Variants in RPTOR observed in about 807,000 individuals in gnomAD.
The protein encoded by RPTOR is regulatory-associated protein of mTOR.
A neutral mutation model predicts 169.9 loss-of-function variants in RPTOR; 21 were observed. The ratio of observed to expected loss-of-function variants is 0.12; its 90% CI spans 0.09 to 0.18. RPTOR has a LOEUF of 0.18. Ranked by LOEUF, RPTOR falls within the 10% of genes least tolerant of loss-of-function variation. The pLI is 1.00. For synonymous variants in RPTOR, 732 were observed against 753.2 expected (o/e 0.97, Z 0.46); for missense variants, 1,133 against 1,855.9 (o/e 0.61, Z 7.16).
chr17:80,869,625 G>A (rs973252097), intron 13 of RPTOR, among the ~76,000 whole-genome samples: 5 of 152,308 alleles, frequency 3.3e-5, no homozygotes, highest in South Asian at 2.1e-4. Context: ...TCTGGACTGC[G>A]TGTCAGGCAG....
intron 1 of RPTOR, among the ~76,000 whole-genome samples, chr17:80,553,077 A>C (rs955215494): frequency 1.3e-5 from 2 of 152,242 alleles, no homozygotes; most frequent in Non-Finnish European, 2.9e-5. Context: ...ACAGTGCAAA[A>C]GTGATGAATC....
intron 28 of RPTOR, among the ~76,000 whole-genome samples, chr17:80,949,821 T>C (rs532790446): frequency 6.6e-5 from 10 of 152,384 alleles, no homozygotes; most frequent in South Asian, 2.1e-4. Context: ...CTTGCAGACA[T>C]GTGCTGCTTG....
At chr17:80,864,322 G>A (rs4969222) in intron 13 of RPTOR, among the ~76,000 whole-genome samples, 4,754 of 123,250 alleles carry the variant, frequency 0.039, 158 homozygotes, top group South Asian at 0.065. Flanking sequence ...AAAGGTGAGA[G>A]TGACGGCAGG....
Position 80,962,965 on chromosome 17 carries a change from A to T in RPTOR, c.3847A>T (p.Ser1283Cys), listed in dbSNP as rs763728814. Residue 1283 changes from serine (S) to cysteine (C), a missense_variant, in exon 33 of 34, where the codon AGC becomes TGC. Coordinates refer to ENST00000306801, the MANE Select transcript of RPTOR (RefSeq NM_020761.3). The stretch of plus-strand genomic sequence containing the variant: ...TCAGTTCACCGCCATCTACAACAGC[A>T]GCGGAGAGCTCATCAACAACATCAA... ...VNQFTAIYNS[S>C]GELINNIKYY... 2.5e-6 allele frequency: 4 copies of T among 1,613,692 alleles called. No individual in the cohort carries two copies. In the Admixed American group the frequency reaches 6.7e-5, roughly 27 times the overall value.
At chr17:80,874,803 C>T (rs1238046765) in intron 13 of RPTOR, among the ~76,000 whole-genome samples, 1 of 152,140 alleles carries the variant, frequency 6.6e-6, no homozygotes, top group Non-Finnish European at 1.5e-5. Context: ...AGCATCCTCA[C>T]GTTACGGTAA....
At chr17:80,942,245 T>C in intron 25 of RPTOR, among the ~76,000 whole-genome samples, 1 of 151,648 alleles carries the variant, frequency 6.6e-6, no homozygotes, top group Non-Finnish European at 1.5e-5. Context: ...GGCTGCCTGC[T>C]GCCTGAGACA....
chr17:80,839,117 A>T (rs919571415), intron 10 of RPTOR, among the ~76,000 whole-genome samples: 2 of 152,198 alleles, frequency 1.3e-5, no homozygotes, highest in Admixed American at 6.5e-5. Context: ...TAACACATGC[A>T]GTCGGGAGCC....
chr17:80,883,489 GC>G lies in RPTOR; in HGVS notation c.1650+11del, dbSNP rs1567966044. ...AACAGCTATCACACGGGGCAGGTGAGCCCCCCAGCCACCCCCAGCCCCAGAG... is the reference window on the plus strand; with the variant it reads ...AACAGCTATCACACGGGGCAGGTGAGCCCCCAGCCACCCCCAGCCCCAGAG... On this transcript the variant is annotated splice_donor_region_variant and intron_variant, in intron 15 of 33. Transcript: ENST00000306801. 1 of 1,613,684 alleles carries G rather than the reference GC, an allele frequency of 6.2e-7. No individual in the cohort carries two copies. The highest frequency in any genetic ancestry group is 8.5e-7 in the Non-Finnish European group (1 of 1,179,788).
intron 3 of RPTOR, among the ~76,000 whole-genome samples, chr17:80,704,472 A>G (rs539042400): frequency 1.3e-5 from 2 of 152,226 alleles, no homozygotes; most frequent in South Asian, 4.1e-4. Flanking sequence ...CTTAGTATGC[A>G]GAGAATCTCA....
intron 1 of RPTOR, among the ~76,000 whole-genome samples, chr17:80,595,456 AG>A (rs2065137827): frequency 6.9e-6 from 1 of 145,558 alleles, no homozygotes; most frequent in Non-Finnish European, 1.6e-5. Context: ...CTTAGCAGAC[AG>A]GGTTTTTCCC....
chr17:80,822,116 C>A, intron 7 of RPTOR, 85 bp from the exon 8 acceptor site: 1 of 1,273,050 alleles, frequency 7.9e-7, no homozygotes, highest in Non-Finnish European at 1.1e-6. Context: ...TTTCGCCGCC[C>A]GCGCCCTTTT....
chr17:80,711,211 C>T (rs1350370635), intron 4 of RPTOR, among the ~76,000 whole-genome samples: 1 of 152,060 alleles, frequency 6.6e-6, no homozygotes, highest in Non-Finnish European at 1.5e-5. Flanking sequence ...GGTATATGTG[C>T]CTTCTCTCTT....
chr17:80,917,889 G>A lies in RPTOR; in HGVS notation c.2521-4835G>A, dbSNP rs1282786425. On this transcript the variant is annotated intron_variant, in intron 21 of 33. Coordinates refer to ENST00000306801, the MANE Select transcript of RPTOR (RefSeq NM_020761.3). ...CCCACCCCTGCCTGGTTTCAGCGGT[G>A]GCCTGCTGTGTGGAAGTGTCTGACT... 2.6e-5 allele frequency among the ~76,000 whole-genome samples: 4 copies of A among 152,126 alleles called. No homozygotes were observed. The East Asian group carries it at 5.8e-4, about 22-fold the overall frequency.
chr17:80,603,924 C>T (rs1036450636), intron 1 of RPTOR, among the ~76,000 whole-genome samples: 1 of 152,172 alleles, frequency 6.6e-6, no homozygotes, highest in Non-Finnish European at 1.5e-5. Flanking sequence ...TGAGGCACAG[C>T]GAACCCCACT....
At chr17:80,925,281 GT>G in intron 23 of RPTOR, 88 bp from the exon 24 acceptor site, 1 of 1,145,418 alleles carries the variant, frequency 8.7e-7, no homozygotes, top group Non-Finnish European at 1.3e-6. Context: ...CAGCGCCTTT[GT>G]CCCCAGCTGC....
intron 19 of RPTOR, among the ~76,000 whole-genome samples, chr17:80,893,351 GT>G (rs1463774701): frequency 1.3e-5 from 2 of 149,892 alleles, no homozygotes; most frequent in Non-Finnish European, 3.0e-5. Context: ...GCGCCAGGGT[GT>G]GTGTGTGCTG....
intron 11 of RPTOR, among the ~76,000 whole-genome samples, 160 bp from the exon 12 acceptor site, chr17:80,855,304 G>A (rs989362445): frequency 5.3e-5 from 8 of 152,248 alleles, no homozygotes; most frequent in Non-Finnish European, 2.9e-5. Context: ...CTAAAAGCAT[G>A]AACTTGTAAG....
Position 80,545,339 on chromosome 17 carries a change from CGT to C in RPTOR, c.-290_-289del, listed in dbSNP as rs1185230428. 1.0e-5 allele frequency: 3 copies of C among 299,304 alleles called. No homozygotes were observed. Among genetic ancestry groups the C allele is most frequent in the Non-Finnish European group, 1.9e-5 (3 of 161,374 alleles). The allele number at this position is 299,304 out of a possible 1,614,324, so 18.5% of individuals were successfully genotyped here. A position where few individuals can be genotyped will look rare whatever the true frequency, so the allele number is the denominator to read the frequency against. On this transcript the variant is annotated 5_prime_UTR_variant, in exon 1 of 34. Transcript: ENST00000306801. ...GCTCCCCTCGCAGCCCCTCTGGAAA[CGT>C]ACAGCCTCAGGAGCAGCCAGTGGCT...
chr17:80,798,499 T>G (rs7218505), intron 7 of RPTOR, among the ~76,000 whole-genome samples: 1,528 of 151,980 alleles, frequency 0.01, 21 homozygotes, highest in African/African-American at 0.032. Flanking sequence ...CCTCAGGGGG[T>G]TTGGGAATTG....
Sources: gnomAD v4.1 joint callset for allele counts (sites outside exome capture counted in the v4.1 genomes callset) on GRCh38, gnomAD v4.1.1 for gene constraint, MANE v1.5 for transcripts, NCBI Gene and HGNC (gene_info 2026-07-23, HGNC 2026-07-21) for gene names.